The following RADIL variants were observed in gnomAD, a reference collection of about 807,000 sequenced individuals.
RADIL encodes the protein ras-associating and dilute domain-containing protein.
RADIL carries 99 observed loss-of-function variants against 97.6 expected under a neutral mutation model. That is an observed-to-expected ratio of 1.01 (90% confidence interval 0.86 to 1.20). RADIL has a LOEUF of 1.20. Ranked by LOEUF, RADIL falls within the 50% of genes most tolerant of loss-of-function variation. RADIL has a pLI of 0.00. For synonymous variants in RADIL, 803 were observed against 691.8 expected (o/e 1.16, Z -2.52); for missense variants, 1,765 against 1,498.9 (o/e 1.18, Z -2.93).
At chr7:4,882,141 C>G (rs1182714194) in intron 1 of RADIL, 2 of 152,276 alleles carry the variant, frequency 1.3e-5, no homozygotes, top group Non-Finnish European at 2.9e-5. Context: ...GAAAGCATTT[C>G]TCTCCGTTTG....
At position 4,842,679 on chromosome 7, in the gene RADIL, T is replaced by TC. The variant is rs1265000124; in HGVS notation, c.536-6075dup. On this transcript the variant is annotated intron_variant, in intron 2 of 14. Transcript: ENST00000399583. This position sits in a 1 kb window ranked among gnomAD's most constrained non-coding sequence, Gnocchi z 4.5. ...TTCGCCTCCTGATCCTGTTTTCTCT[T>TC]CCCTCCCTGGCTCTTGATGGTTTGG... 6.6e-6 allele frequency among the ~76,000 whole-genome samples: 1 copy of TC among 152,080 alleles called. No homozygotes were observed. Among genetic ancestry groups the TC allele is most frequent in the Non-Finnish European group, 1.5e-5 (1 of 68,008 alleles).
At chr7:4,859,716 C>A in intron 2 of RADIL, 1 of 588,184 alleles carries the variant, frequency 1.7e-6, no homozygotes, top group South Asian at 2.2e-5. Flanking sequence ...ATTGGATTTG[C>A]AGGGAGAACA....
At position 4,817,641 on chromosome 7, in the gene RADIL, G is replaced by A. The variant is rs148868336; in HGVS notation, c.1616-290C>T. Reference sequence around the variant, plus strand: ...AGCCCAAGCGCTCATTCACTCCCACGTTCTGGATACGTTTTCTGTTACAAC... The same window carrying A: ...AGCCCAAGCGCTCATTCACTCCCACATTCTGGATACGTTTTCTGTTACAAC... On this transcript the variant is annotated intron_variant, in intron 6 of 14. Coordinates refer to ENST00000399583, the MANE Select transcript of RADIL (RefSeq NM_018059.5). The surrounding 1 kb of genome is among the most constrained non-coding windows in gnomAD (Gnocchi z 8.3). 9.3e-4 allele frequency among the ~76,000 whole-genome samples: 141 copies of A among 152,240 alleles called. 1 individual carries two copies. The highest frequency in any genetic ancestry group is 3.1e-3 in the African/African-American group (128 of 41,550).
rs1019959333 is a variant in RADIL, at chr7:4,837,808, C to T, written c.536-1203G>A. 5.1e-6 allele frequency: 5 copies of T among 983,478 alleles called. No homozygotes were observed. Among genetic ancestry groups the T allele is most frequent in the Admixed American group, 6.2e-5 (1 of 16,258 alleles). 60.9% of individuals were successfully genotyped at this position (983,478 alleles called of 1,614,324 possible). A position where few individuals can be genotyped will look rare whatever the true frequency, so the allele number is the denominator to read the frequency against. Reference sequence around the variant, plus strand: ...ATGCTCTGGGAAAGCCAGCCGGCTGCGATAGATGAAAACCGCTCACCAGTC... The same window carrying T: ...ATGCTCTGGGAAAGCCAGCCGGCTGTGATAGATGAAAACCGCTCACCAGTC... On this transcript the variant is annotated intron_variant, in intron 2 of 14. Transcript: ENST00000399583. This position sits in a 1 kb window ranked among gnomAD's most constrained non-coding sequence, Gnocchi z 5.6.
In RADIL at chr7:4,799,389, G is replaced by T; in HGVS notation, c.3217C>A (p.Pro1073Thr). Residue 1073 changes from proline (P) to threonine (T), a missense_variant, in exon 15 of 15, where the codon CCC (proline) becomes ACC (threonine). Physicochemically the swap from Pro to Thr is conservative, Grantham distance 38. Transcript: ENST00000399583. ...ETAKKIHFRT[P>T]PL ...TCCTCGCAGCCCCCCTAGAGAGGGG[G>T]CGTGCGGAAATGGATCTTCTTGGCT... 6.2e-7 allele frequency: 1 copy of T among 1,613,744 alleles called. No homozygotes were observed. Among genetic ancestry groups the T allele is most frequent in the South Asian group, 1.1e-5 (1 of 91,080 alleles).
intron 2 of RADIL, chr7:4,860,831 G>A (rs1783970969): frequency 1.9e-6 from 3 of 1,614,078 alleles, no homozygotes; most frequent in Non-Finnish European, 2.5e-6. Context: ...CACGTTGTAT[G>A]TGGAGTTCTG....
Position 4,879,211 on chromosome 7 carries a change from G to C in RADIL, c.-64-1008C>G, listed in dbSNP as rs977761042. On this transcript the variant is annotated intron_variant, in intron 1 of 14. Transcript: ENST00000399583. The surrounding 1 kb of genome is among the most constrained non-coding windows in gnomAD (Gnocchi z 4.1). ...AGGCCACAGAGATGCAGTCTCCTGG[G>C]GAAACGGGAAAACAGCCTGGGACGC... Among the ~76,000 whole-genome samples the C allele has an allele frequency of 2.0e-5, 3 of 152,224 alleles. No homozygotes were observed. Among genetic ancestry groups the C allele is most frequent in the Non-Finnish European group, 4.4e-5 (3 of 68,032 alleles).
Position 4,876,813 on chromosome 7 carries a change from AC to A in RADIL, c.535+791del, listed in dbSNP as rs1472247332. On this transcript the variant is annotated intron_variant, in intron 2 of 14. Transcript: ENST00000399583. ...CAGGAAGGCCTCCCACCACCCAGGC[AC>A]CCACAGACCCGCGGTACGCTGAGTG... Among the ~76,000 whole-genome samples, 6 of 152,138 alleles carry A rather than the reference AC, an allele frequency of 3.9e-5. No homozygotes were observed. The South Asian group carries it at 1.2e-3, about 32-fold the overall frequency.
chr7:4,831,204 A>G (rs1426236494), intron 5 of RADIL, among the ~76,000 whole-genome samples: 8 of 151,412 alleles, frequency 5.3e-5, no homozygotes, highest in Non-Finnish European at 1.2e-4. Context: ...AAAAAGAAAA[A>G]AAAAAAAAAG....
In RADIL at chr7:4,860,224, G is replaced by T. The variant is rs184650923; in HGVS notation, c.535+17381C>A. On this transcript the variant is annotated intron_variant, in intron 2 of 14. Coordinates refer to ENST00000399583, the MANE Select transcript of RADIL (RefSeq NM_018059.5). Reference sequence around the variant, plus strand: ...AAGGCACAGACATGCTGTTTTCACAGCCTGCAGACAAGTCAAAGCTGCTGT... The same window carrying T: ...AAGGCACAGACATGCTGTTTTCACATCCTGCAGACAAGTCAAAGCTGCTGT... 2.3e-5 allele frequency: 37 copies of T among 1,613,862 alleles called. No individual in the cohort carries two copies. The South Asian group carries it at 3.7e-4, about 16-fold the overall frequency.
chr7:4,803,263 G>A (rs1436883412), intron 11 of RADIL, among the ~76,000 whole-genome samples: 1 of 106,416 alleles, frequency 9.4e-6, no homozygotes, highest in Non-Finnish European at 1.9e-5. Flanking sequence ...GCTGGCTGGG[G>A]GGCCCCCTCC....
At position 4,800,235 on chromosome 7, in the gene RADIL, T is replaced by A; in HGVS notation, c.2918A>T (p.Tyr973Phe). The A allele has an allele frequency of 6.3e-7, 1 of 1,599,502 alleles. No individual in the cohort carries two copies. The highest frequency in any genetic ancestry group is 8.5e-7 in the Non-Finnish European group (1 of 1,174,530). The change falls in exon 13 of 15, where the codon TAC (tyrosine) becomes TTC (phenylalanine). Residue 973 changes from tyrosine (Y) to phenylalanine (F), a missense_variant. Physicochemically the swap from Tyr to Phe is conservative, Grantham distance 22. Transcript: ENST00000399583. The part of the protein sequence containing the change: ...SRSSSTEDFC[Y>F]VFTVELERGP... Reference sequence around the variant, plus strand: ...TCGTTCCAGCTCCACCGTGAAGACGTAGCAGAAGTCCTCGGTGCTGGAGCT... The same window carrying A: ...TCGTTCCAGCTCCACCGTGAAGACGAAGCAGAAGTCCTCGGTGCTGGAGCT...
chr7:4,852,222 G>C (rs1783726279), intron 2 of RADIL, among the ~76,000 whole-genome samples: 1 of 152,170 alleles, frequency 6.6e-6, no homozygotes, highest in South Asian at 2.1e-4. Flanking sequence ...CTACAGACAG[G>C]AAGTGGCTGA....
Position 4,877,633 on chromosome 7 carries a change from T to C in RADIL, c.507A>G (p.Ala169=), listed in dbSNP as rs373441925. The C allele has an allele frequency of 4.4e-6, 7 of 1,608,096 alleles. No homozygotes were observed. The African/African-American group carries it at 8.0e-5, about 18-fold the overall frequency. ...LRKRSDVEEL[A]AKEVDTITAG... is the part of the protein sequence containing the mutation. ...CCGTGATGGTGTCCACCTCCTTGGC[T>C]GCCAGCTCCTCCACGTCCGACCTCT... Residue 169 remains alanine (A), a synonymous_variant, in exon 2 of 15, where the codon GCA becomes GCG. Transcript: ENST00000399583.
chr7:4,839,262 GTTGT>G (rs1434132291), intron 2 of RADIL, among the ~76,000 whole-genome samples: 1 of 152,204 alleles, frequency 6.6e-6, no homozygotes, highest in Non-Finnish European at 1.5e-5. Context: ...TCAGGAGTAG[GTTGT>G]TTAATTTCCA....
Position 4,876,749 on chromosome 7 carries a change from A to T in RADIL, c.535+856T>A, listed in dbSNP as rs371940117. On this transcript the variant is annotated intron_variant, in intron 2 of 14. Transcript: ENST00000399583. ...GCCACCCGTGCTCTCGGCACTCCTC[A>T]GACCGACAATGATCGGCTGCCCGTG... Among the ~76,000 whole-genome samples the T allele has an allele frequency of 4.9e-4, 75 of 152,304 alleles. No homozygotes were observed. In the South Asian group the frequency reaches 0.015, roughly 30 times the overall value.
Position 4,814,649 on chromosome 7 carries a change from C to T in RADIL, c.2139+629G>A, listed in dbSNP as rs765161592. Among the ~76,000 whole-genome samples, 1 of 152,196 alleles carries T rather than the reference C, an allele frequency of 6.6e-6. No homozygotes were observed. Among genetic ancestry groups the T allele is most frequent in the Non-Finnish European group, 1.5e-5 (1 of 68,036 alleles). On this transcript the variant is annotated intron_variant, in intron 9 of 14. Transcript: ENST00000399583. The surrounding 1 kb of genome is among the most constrained non-coding windows in gnomAD (Gnocchi z 4.5). ...TTGTGACAAATGCCCACACGCCTGG[C>T]GGTCACGGCCACACAGTGCACTCTC...
At position 4,878,434 on chromosome 7, in the gene RADIL, G is replaced by A. The variant is rs1037936649; in HGVS notation, c.-64-231C>T. On this transcript the variant is annotated intron_variant, in intron 1 of 14. Coordinates refer to ENST00000399583, the MANE Select transcript of RADIL (RefSeq NM_018059.5). This position sits in a 1 kb window ranked among gnomAD's most constrained non-coding sequence, Gnocchi z 4.1. Reference sequence around the variant, plus strand: ...TGGTGTGCACTGTACCCACTGCTCTGAAGGCTGAGGCTGGAGGATGGCTTG... The same window carrying A: ...TGGTGTGCACTGTACCCACTGCTCTAAAGGCTGAGGCTGGAGGATGGCTTG... Among the ~76,000 whole-genome samples the A allele has an allele frequency of 1.3e-5, 2 of 152,208 alleles. No homozygotes were observed. Among genetic ancestry groups the A allele is most frequent in the South Asian group, 2.1e-4 (1 of 4,832 alleles).
chr7:4,860,343 T>G, intron 2 of RADIL: 1 of 1,614,054 alleles, frequency 6.2e-7, no homozygotes, highest in Non-Finnish European at 8.5e-7. Flanking sequence ...TCCTTTCTTC[T>G]TAAATGCATT....
Sources: allele counts gnomAD v4.1 joint callset (sites outside exome capture counted in the v4.1 genomes callset), GRCh38; gene constraint gnomAD v4.1.1; non-coding constraint Gnocchi (gnomAD v3.1); transcripts MANE v1.5; gene names NCBI Gene and HGNC (gene_info 2026-07-23, HGNC 2026-07-21).